Variants in DNTTIP1 observed in about 807,000 individuals in gnomAD.
DNTTIP1 encodes the protein deoxynucleotidyltransferase terminal interacting protein 1.
A neutral mutation model predicts 52.9 loss-of-function variants in DNTTIP1; 22 were observed. The ratio of observed to expected loss-of-function variants is 0.42; its 90% CI spans 0.30 to 0.59. The LOEUF (loss-of-function observed/expected upper bound fraction) is 0.59, where lower values mean the gene tolerates loss of function less well. Among genes scored for constraint, DNTTIP1 ranks in the 20% least tolerant of loss-of-function variants. DNTTIP1 has a pLI of 0.22. For synonymous variants in DNTTIP1, 136 were observed against 155.1 expected, an observed-to-expected ratio of 0.88 and a Z score of 0.92; for missense variants, 286 against 435.5, an observed-to-expected ratio of 0.66 and a Z score of 3.06.
chr20:45,792,532 A>T, intron 1 of DNTTIP1, 145 bp from the exon 2 acceptor site: 6 of 630,030 alleles, frequency 9.5e-6, no homozygotes, highest in South Asian at 2.3e-5. Flanking sequence ...GAGGCCTTAC[A>T]ACTATCGTCC....
At position 45,795,389 on chromosome 20, in the gene DNTTIP1, G is replaced by A; in HGVS notation, c.318G>A (p.Glu106=). The part of the protein sequence containing the change: ...AALNVRDNVG[E]EVDAEQLIQE... ...TGAACGTGCGAGACAATGTTGGGGA[G>A]GAGGTGGACGCAGAGCAGCTGATCC... is the stretch of plus-strand genomic sequence containing the variant. The change falls in exon 4 of 13, where the codon GAG becomes GAA. Residue 106 remains glutamate (E), a synonymous_variant. Coordinates refer to ENST00000372622, the MANE Select transcript of DNTTIP1 (RefSeq NM_052951.3). 1 of 1,611,922 alleles carries A rather than the reference G, an allele frequency of 6.2e-7. No individual in the cohort carries two copies. Among genetic ancestry groups the A allele is most frequent in the Non-Finnish European group, 8.5e-7 (1 of 1,178,918 alleles).
intron 10 of DNTTIP1, among the ~76,000 whole-genome samples, chr20:45,808,752 G>A (rs1261705346): frequency 1.3e-5 from 2 of 152,106 alleles, no homozygotes; most frequent in African/African-American, 2.4e-5. Flanking sequence ...GAGGTGTCCC[G>A]ATTTTTGTTT....
intron 6 of DNTTIP1, 45 bp from the exon 7 acceptor site, chr20:45,801,954 G>T (rs746878056): frequency 6.3e-7 from 1 of 1,595,508 alleles, no homozygotes; most frequent in Non-Finnish European, 8.6e-7. Flanking sequence ...GGGGTATGGG[G>T]AGTAACCACA....
Position 45,792,123 on chromosome 20 carries a change from C to T in DNTTIP1, c.105+14C>T. The T allele has an allele frequency of 3.2e-6, 4 of 1,259,682 alleles. No homozygotes were observed. Among genetic ancestry groups the T allele is most frequent in the South Asian group, 3.5e-5 (1 of 28,954 alleles). 78.0% of individuals were successfully genotyped at this position (1,259,682 alleles called of 1,614,324 possible). ...CTGGTTCTTACGGTGAGGGCGCCCCCGGTGAGGTCTGGGCTCAGGCCGGGC... is the reference window on the plus strand; with the variant it reads ...CTGGTTCTTACGGTGAGGGCGCCCCTGGTGAGGTCTGGGCTCAGGCCGGGC... On this transcript the variant is annotated intron_variant, in intron 1 of 12. Coordinates refer to ENST00000372622, the MANE Select transcript of DNTTIP1 (RefSeq NM_052951.3).
At chr20:45,803,130 A>G (rs1454264081) in intron 7 of DNTTIP1, 6 of 549,392 alleles carry the variant, frequency 1.1e-5, no homozygotes, top group Non-Finnish European at 1.6e-5. Context: ...TCATGCCACT[A>G]TGTAAGAGCA....
At chr20:45,795,734 G>A (rs1292126938) in intron 4 of DNTTIP1, among the ~76,000 whole-genome samples, 1 of 152,202 alleles carries the variant, frequency 6.6e-6, no homozygotes, top group Non-Finnish European at 1.5e-5. Flanking sequence ...GGGAGACAGA[G>A]GTTGCGGTGA....
intron 1 of DNTTIP1, 35 bp downstream of exon 1, chr20:45,792,144 C>G: frequency 8.4e-7 from 1 of 1,189,926 alleles, no homozygotes; most frequent in Non-Finnish European, 1.1e-6. Flanking sequence ...GGGCTCAGGC[C>G]GGGCACGGCC....
chr20:45,793,300 C>T (rs977587409), intron 2 of DNTTIP1, among the ~76,000 whole-genome samples: 4 of 152,052 alleles, frequency 2.6e-5, no homozygotes, highest in African/African-American at 9.7e-5. Context: ...CGGTGGCTCA[C>T]GCCTGTAATC....
At chr20:45,802,168 T>A in intron 7 of DNTTIP1, 111 bp downstream of exon 7, 1 of 1,188,444 alleles carries the variant, frequency 8.4e-7, no homozygotes, top group Non-Finnish European at 1.2e-6. Flanking sequence ...TCCATCAGCT[T>A]AAGTCATCGT....
intron 3 of DNTTIP1, among the ~76,000 whole-genome samples, chr20:45,795,087 C>T (rs1255804211): frequency 3.9e-5 from 6 of 152,094 alleles, no homozygotes; most frequent in Non-Finnish European, 8.8e-5. Flanking sequence ...TGTGAGCCAC[C>T]GCGCCCGTCC....
intron 1 of DNTTIP1, 147 bp from the exon 2 acceptor site, chr20:45,792,527 CTTA>C: frequency 1.6e-6 from 1 of 608,944 alleles, no homozygotes; most frequent in Non-Finnish European, 2.8e-6. Context: ...TGGAGGAGGC[CTTA>C]CAACTATCGT....
intron 10 of DNTTIP1, among the ~76,000 whole-genome samples, chr20:45,807,095 C>T (rs1229746277): frequency 1.3e-5 from 2 of 151,786 alleles, no homozygotes; most frequent in African/African-American, 2.4e-5. Context: ...TGTTTTTGTC[C>T]TGTATAAAAT....
rs1233831654 is a variant in DNTTIP1 at position 45,811,215 on chromosome 20, A to G, written c.*20A>G. 1.3e-6 allele frequency: 2 copies of G among 1,590,042 alleles called. No homozygotes were observed. Among genetic ancestry groups the G allele is most frequent in the Non-Finnish European group, 1.7e-6 (2 of 1,169,038 alleles). On this transcript the variant is annotated 3_prime_UTR_variant, in exon 13 of 13. Transcript: ENST00000372622. ...ACCTGAGGCCGGGTCCCCTGGCCAC[A>G]CTTGGCAGCCCTCCTCCAAAGCCCT...
intron 4 of DNTTIP1, chr20:45,796,544 G>A (rs537418698): frequency 2.1e-6 from 1 of 471,168 alleles, no homozygotes; most frequent in African/African-American, 2.0e-5. Flanking sequence ...GGTGTGGTCA[G>A]GAAGCATGAC....
intron 4 of DNTTIP1, 44 bp from the exon 5 acceptor site, chr20:45,801,030 C>G (rs1323538109): frequency 1.3e-6 from 2 of 1,563,952 alleles, no homozygotes; most frequent in South Asian, 2.2e-5. Flanking sequence ...GTGTGCTTAC[C>G]CACCAAAATA....
At chr20:45,805,656 A>T (rs1342762465) in intron 10 of DNTTIP1, among the ~76,000 whole-genome samples, 1 of 152,224 alleles carries the variant, frequency 6.6e-6, no homozygotes, top group Non-Finnish European at 1.5e-5. Context: ...CAAATTTGAA[A>T]CAATCAGAGG....
At chr20:45,799,389 C>G (rs1257048939) in intron 4 of DNTTIP1, among the ~76,000 whole-genome samples, 2 of 152,220 alleles carry the variant, frequency 1.3e-5, no homozygotes, top group East Asian at 1.9e-4. Flanking sequence ...ATGCCACTGG[C>G]AGAGGTCGGG....
Position 45,811,205 on chromosome 20 carries a change from C to T in DNTTIP1, c.*10C>T. On this transcript the variant is annotated 3_prime_UTR_variant, in exon 13 of 13. Coordinates refer to ENST00000372622, the MANE Select transcript of DNTTIP1 (RefSeq NM_052951.3). ...ACCTCCACAGACCTGAGGCCGGGTC[C>T]CCTGGCCACACTTGGCAGCCCTCCT... The T allele has an allele frequency of 6.3e-7, 1 of 1,595,632 alleles. No individual in the cohort carries two copies. The highest frequency in any genetic ancestry group is 1.8e-5 in the Admixed American group (1 of 56,822).
At chr20:45,810,190 G>A (rs1285610698) in intron 11 of DNTTIP1, among the ~76,000 whole-genome samples, 7 of 152,022 alleles carry the variant, frequency 4.6e-5, no homozygotes, top group Non-Finnish European at 1.5e-5. Context: ...AATTATTCCT[G>A]ACCCTAACAT....
Sources: gnomAD v4.1 joint callset for allele counts (sites outside exome capture counted in the v4.1 genomes callset) on GRCh38, gnomAD v4.1.1 for gene constraint, MANE v1.5 for transcripts, NCBI Gene and HGNC (gene_info 2026-07-23, HGNC 2026-07-21) for gene names.